The following PABPC4L variants were observed in gnomAD, a reference collection of about 807,000 sequenced individuals.
PABPC4L encodes the protein polyadenylate-binding protein 4-like.
For missense variants in PABPC4L, 452 were observed against 451.4 expected, an observed-to-expected ratio of 1.00 and a Z score of -0.01; for synonymous variants, 169 against 164.1, an observed-to-expected ratio of 1.03 and a Z score of -0.23.
At chr4:134,000,879 C>G in the PABPC4L span, among the ~76,000 whole-genome samples, 36 of 152,184 alleles carry the variant, frequency 2.4e-4, no homozygotes, top group South Asian at 1.0e-3. Context: ...AGGCCTTCAC[C>G]CTACACCACC....
At chr4:134,019,381 T>C in the PABPC4L span, among the ~76,000 whole-genome samples, 1 of 152,174 alleles carries the variant, frequency 6.6e-6, no homozygotes, top group East Asian at 1.9e-4. Context: ...GTTCATCTAT[T>C]AGAAAATATA....
chr4:134,041,252 C>T, the PABPC4L span, among the ~76,000 whole-genome samples: 1 of 152,104 alleles, frequency 6.6e-6, no homozygotes, highest in Non-Finnish European at 1.5e-5. Flanking sequence ...ATAAATTATT[C>T]TACCATAAAG....
At chr4:134,046,301 G>T in the PABPC4L span, among the ~76,000 whole-genome samples, 8 of 152,234 alleles carry the variant, frequency 5.3e-5, no homozygotes, top group African/African-American at 1.9e-4. Flanking sequence ...TACTATGCCT[G>T]GATGTGCACG....
chr4:133,969,060 G>T, the PABPC4L span, among the ~76,000 whole-genome samples: 8 of 152,040 alleles, frequency 5.3e-5, no homozygotes, highest in Non-Finnish European at 1.0e-4. Context: ...TCTGAGAGGG[G>T]CACAGATTAT....
At chr4:134,066,885 A>G in the PABPC4L span, among the ~76,000 whole-genome samples, 2 of 152,300 alleles carry the variant, frequency 1.3e-5, no homozygotes, top group East Asian at 1.9e-4. Context: ...CCCAGAAATA[A>G]AGCCCAGTTA....
the PABPC4L span, among the ~76,000 whole-genome samples, chr4:133,951,584 GT>G: frequency 6.6e-6 from 1 of 152,042 alleles, no homozygotes; most frequent in Non-Finnish European, 1.5e-5. Flanking sequence ...AAAGCAACAG[GT>G]TGCCTCTTCT....
At chr4:133,994,169 C>T in the PABPC4L span, among the ~76,000 whole-genome samples, 2 of 152,062 alleles carry the variant, frequency 1.3e-5, no homozygotes, top group East Asian at 1.9e-4. Flanking sequence ...CTTTGCCAGA[C>T]CTTTTGGGAA....
the PABPC4L span, among the ~76,000 whole-genome samples, chr4:134,126,679 C>T: frequency 1.1e-4 from 17 of 152,078 alleles, no homozygotes; most frequent in African/African-American, 4.1e-4. Flanking sequence ...GTAGAGGCAG[C>T]TCCCACTTGG....
rs955690113 is a variant in PABPC4L at position 134,198,132 on chromosome 4, A to C, written c.*1775T>G. ...ACAAAACATAAAAGTCACTCAGATT[A>C]TAAGACAAATAATTATTGTGAGCAT... On this transcript the variant is annotated 3_prime_UTR_variant, in exon 2 of 2. Transcript: ENST00000421491. The C allele has an allele frequency of 6.6e-6, 1 of 151,774 alleles. No homozygotes were observed. Among genetic ancestry groups the C allele is most frequent in the Non-Finnish European group, 1.5e-5 (1 of 67,668 alleles). 9.4% of individuals were successfully genotyped at this position (151,774 alleles called of 1,614,324 possible).
At chr4:134,147,755 T>TTGC in the PABPC4L span, among the ~76,000 whole-genome samples, 1 of 150,622 alleles carries the variant, frequency 6.6e-6, no homozygotes, top group Non-Finnish European at 1.5e-5. Context: ...GTGTGTGTTG[T>TTGC]TGTTGTTGTT....
chr4:134,183,952 G>A, the PABPC4L span, among the ~76,000 whole-genome samples: 5 of 151,440 alleles, frequency 3.3e-5, no homozygotes, highest in African/African-American at 9.7e-5. Flanking sequence ...AACTTAACAA[G>A]TTGATTGAGT....
the PABPC4L span, among the ~76,000 whole-genome samples, chr4:134,058,328 T>C: frequency 6.6e-6 from 1 of 152,076 alleles, no homozygotes; most frequent in African/African-American, 2.4e-5. Context: ...TTTGGTCTTA[T>C]ATTATTCTTT....
chr4:134,105,460 A>T, the PABPC4L span, among the ~76,000 whole-genome samples: 1 of 151,674 alleles, frequency 6.6e-6, no homozygotes, highest in African/African-American at 2.4e-5. Flanking sequence ...TATGTGGTTG[A>T]TTTACTTCTA....
the PABPC4L span, among the ~76,000 whole-genome samples, chr4:134,127,564 G>C: frequency 2.6e-5 from 4 of 152,078 alleles, no homozygotes; most frequent in South Asian, 2.1e-4. Context: ...AATCACATCA[G>C]TATGGCTCTC....
At chr4:134,179,212 T>A in the PABPC4L span, among the ~76,000 whole-genome samples, 1 of 151,868 alleles carries the variant, frequency 6.6e-6, no homozygotes, top group Non-Finnish European at 1.5e-5. Flanking sequence ...CAACAGAAAC[T>A]CTATGAGCCA....
At chr4:133,990,256 T>C in the PABPC4L span, among the ~76,000 whole-genome samples, 1 of 152,224 alleles carries the variant, frequency 6.6e-6, no homozygotes, top group South Asian at 2.1e-4. Context: ...GCTGACTTCA[T>C]GTCTCTGTAT....
chr4:134,183,871 AT>A, the PABPC4L span, among the ~76,000 whole-genome samples: 4 of 151,778 alleles, frequency 2.6e-5, no homozygotes, highest in East Asian at 3.9e-4. Context: ...CCTTAAATGT[AT>A]CAAAAAAAGC....
At chr4:133,970,839 A>G in the PABPC4L span, among the ~76,000 whole-genome samples, 1 of 152,200 alleles carries the variant, frequency 6.6e-6, no homozygotes, top group Non-Finnish European at 1.5e-5. Context: ...AGAGACTGCC[A>G]TCTGTGAATC....
chr4:133,968,780 G>T, the PABPC4L span, among the ~76,000 whole-genome samples: 1 of 152,132 alleles, frequency 6.6e-6, no homozygotes, highest in African/African-American at 2.4e-5. Context: ...TAGGTTACAG[G>T]CAGGTAAAGA....
Sources: allele counts gnomAD v4.1 joint callset (sites outside exome capture counted in the v4.1 genomes callset), GRCh38; gene constraint gnomAD v4.1.1; transcripts MANE v1.5; gene names NCBI Gene and HGNC (gene_info 2026-07-23, HGNC 2026-07-21).